The following PHYHIPL variants were observed in gnomAD, a reference collection of about 807,000 sequenced individuals.
PHYHIPL encodes the protein phytanoyl-CoA 2-hydroxylase interacting protein like.
Under a neutral mutation model 33.4 loss-of-function variants are expected in PHYHIPL, and 9 were observed. The ratio of observed to expected loss-of-function variants is 0.27; its 90% confidence interval spans 0.16 to 0.47. The LOEUF (loss-of-function observed/expected upper bound fraction) is 0.47, where lower values mean the gene tolerates loss of function less well. Among genes scored for constraint, PHYHIPL ranks in the 20% least tolerant of loss-of-function variants. PHYHIPL has a pLI of 0.99. For synonymous variants in PHYHIPL, 153 were observed against 154.1 expected (o/e 0.99, Z 0.05); for missense variants, 365 against 460.7 (o/e 0.79, Z 1.90).
chr10:59,230,117 G>A (rs567056610), intron 1 of PHYHIPL, among the ~76,000 whole-genome samples: 45 of 151,766 alleles, frequency 3.0e-4, no homozygotes, highest in African/African-American at 9.9e-4. Flanking sequence ...AAATGTTTTA[G>A]TGAGTCTAAA....
chr10:59,244,011 A>G (rs1014808285), intron 4 of PHYHIPL, among the ~76,000 whole-genome samples: 3 of 152,140 alleles, frequency 2.0e-5, no homozygotes, highest in Non-Finnish European at 2.9e-5. Context: ...CAGAACCACA[A>G]TGCCCTAAAG....
In PHYHIPL at chr10:59,176,973, G is replaced by C. The variant is rs776314609; in HGVS notation, c.106+14G>C. On this transcript the variant is annotated intron_variant, in intron 1 of 4. Coordinates refer to ENST00000373880, the MANE Select transcript of PHYHIPL (RefSeq NM_032439.4). ...GCGACCGGGACGGTAAGAGCGGCCG[G>C]GACCGCGAGGAAAGGGACAGAGTTC... 7 of 1,608,732 alleles carry C rather than the reference G, an allele frequency of 4.4e-6. No individual in the cohort carries two copies. In the Admixed American group the frequency reaches 1.2e-4, roughly 27 times the overall value.
chr10:59,233,867 C>T (rs1672804982), intron 1 of PHYHIPL, among the ~76,000 whole-genome samples: 1 of 151,772 alleles, frequency 6.6e-6, no homozygotes, highest in African/African-American at 2.4e-5. Flanking sequence ...CATGCTGTTT[C>T]TCTATATAAT....
Position 59,234,512 on chromosome 10 carries a change from C to A in PHYHIPL, c.303+12C>A. 1.3e-6 allele frequency: 2 copies of A among 1,506,244 alleles called. No homozygotes were observed. The highest frequency in any genetic ancestry group is 2.6e-5 in the South Asian group (2 of 76,456). The allele number at this position is 1,506,244 out of a possible 1,614,324, so 93.3% of individuals were successfully genotyped here. A position where few individuals can be genotyped will look rare whatever the true frequency, so the allele number is the denominator to read the frequency against. ...AATTTAAACACAAGGTAAAATCTAA[C>A]AAATACTCATGCTAATTTGCATCTT... is the stretch of plus-strand genomic sequence containing the variant. On this transcript the variant is annotated intron_variant, in intron 2 of 4. Coordinates refer to ENST00000373880, the MANE Select transcript of PHYHIPL (RefSeq NM_032439.4).
intron 1 of PHYHIPL, among the ~76,000 whole-genome samples, chr10:59,208,064 G>A (rs936771509): frequency 2.0e-5 from 3 of 152,106 alleles, no homozygotes; most frequent in South Asian, 2.1e-4. Context: ...CACAGCACTC[G>A]AGCTCTGCTA....
chr10:59,207,991 G>A lies in PHYHIPL; in HGVS notation c.107-26313G>A, dbSNP rs1316199593. The stretch of plus-strand genomic sequence containing the variant: ...CCTGGGGGAAGGGACGGCTGTCGGC[G>A]CAGCTTTGATAGACTTAAATGTTCC... On this transcript the variant is annotated intron_variant, in intron 1 of 4. Coordinates refer to ENST00000373880, the MANE Select transcript of PHYHIPL (RefSeq NM_032439.4). Among the ~76,000 whole-genome samples the A allele has an allele frequency of 2.0e-5, 3 of 152,126 alleles. No homozygotes were observed. In the South Asian group the frequency reaches 6.2e-4, roughly 32 times the overall value.
intron 1 of PHYHIPL, among the ~76,000 whole-genome samples, chr10:59,202,011 T>C (rs1839134087): frequency 6.6e-6 from 1 of 152,048 alleles, no homozygotes; most frequent in Admixed American, 6.6e-5. Flanking sequence ...AGAAAATATA[T>C]GAGCTATTGG....
At chr10:59,201,008 G>C (rs560598630) in intron 1 of PHYHIPL, among the ~76,000 whole-genome samples, 115 of 152,214 alleles carry the variant, frequency 7.6e-4, no homozygotes, top group African/African-American at 1.4e-3. Context: ...CAAAAAACCA[G>C]CTCCTGGATT....
chr10:59,245,489 C>T lies in PHYHIPL; in HGVS notation c.1029C>T (p.Gly343=), dbSNP rs1480949827. 1.9e-6 allele frequency: 3 copies of T among 1,614,132 alleles called. No homozygotes were observed. Among genetic ancestry groups the T allele is most frequent in the Middle Eastern group, 1.6e-4 (1 of 6,062 alleles). The change falls in exon 5 of 5, where the codon GGC becomes GGT. Residue 343 remains glycine (G), a synonymous_variant. Transcript: ENST00000373880. Reference sequence around the variant, plus strand: ...CTGACCCTGTGGATCTTTCTGTGGGCACCGTGGCAGAAATCACTGGTCATC... The same window carrying T: ...CTGACCCTGTGGATCTTTCTGTGGGTACCGTGGCAGAAATCACTGGTCATC... ...IYTDPVDLSV[G]TVAEITGHQL...
At chr10:59,194,400 CAT>C (rs565309778) in intron 1 of PHYHIPL, among the ~76,000 whole-genome samples, 140 of 152,194 alleles carry the variant, frequency 9.2e-4, no homozygotes, top group African/African-American at 3.3e-3. Flanking sequence ...AATTTTCTGA[CAT>C]AGAAACACCA....
chr10:59,180,257 T>TAC (rs140480148), intron 1 of PHYHIPL, among the ~76,000 whole-genome samples: 8,986 of 118,828 alleles, frequency 0.076, 920 homozygotes, highest in African/African-American at 0.22. Flanking sequence ...ATCATATATA[T>TAC]ACACACACAC....
chr10:59,205,932 A>G (rs1269955305), intron 1 of PHYHIPL, among the ~76,000 whole-genome samples: 1 of 152,226 alleles, frequency 6.6e-6, no homozygotes, highest in Non-Finnish European at 1.5e-5. Context: ...ATAATTCTGC[A>G]TCTGAGAACA....
chr10:59,183,752 G>A, intron 1 of PHYHIPL: 20 of 822,410 alleles, frequency 2.4e-5, no homozygotes, highest in Non-Finnish European at 2.8e-5. Context: ...GAGCCATGTA[G>A]TGGCTCATTT....
chr10:59,204,731 G>A (rs1839237199), intron 1 of PHYHIPL, among the ~76,000 whole-genome samples: 2 of 151,828 alleles, frequency 1.3e-5, no homozygotes, highest in Admixed American at 1.3e-4. Context: ...TCTCCACTAT[G>A]CTTTTAGTCA....
At chr10:59,184,236 C>T (rs561737996) in intron 1 of PHYHIPL, among the ~76,000 whole-genome samples, 2 of 152,290 alleles carry the variant, frequency 1.3e-5, no homozygotes, top group South Asian at 4.1e-4. Flanking sequence ...CAGCCATACT[C>T]ATTTGTTTAC....
intron 1 of PHYHIPL, among the ~76,000 whole-genome samples, chr10:59,207,613 C>T (rs1009991308): frequency 3.3e-5 from 5 of 152,158 alleles, no homozygotes; most frequent in African/African-American, 1.2e-4. Context: ...CAGCAGCGGC[C>T]AGGCACGGTG....
Position 59,247,558 on chromosome 10 carries a change from G to T in PHYHIPL, c.*1967G>T. ...AAACTACTTAGCAAGGATGGCAGAG[G>T]AAAATAAACTTTACTTTATATCATG... On this transcript the variant is annotated 3_prime_UTR_variant, in exon 5 of 5. Coordinates refer to ENST00000373880, the MANE Select transcript of PHYHIPL (RefSeq NM_032439.4). 6.2e-7 allele frequency: 1 copy of T among 1,606,564 alleles called. No individual in the cohort carries two copies. The highest frequency in any genetic ancestry group is 8.5e-7 in the Non-Finnish European group (1 of 1,176,072).
chr10:59,236,697 T>C (rs1170239659), intron 3 of PHYHIPL, 40 bp downstream of exon 3: 2 of 1,458,218 alleles, frequency 1.4e-6, no homozygotes, highest in South Asian at 1.4e-5. Flanking sequence ...GCTTTAGTTG[T>C]TCTGGGAAAG....
intron 4 of PHYHIPL, among the ~76,000 whole-genome samples, chr10:59,241,760 C>T (rs991751322): frequency 6.6e-6 from 1 of 152,102 alleles, no homozygotes; most frequent in Admixed American, 6.6e-5. Context: ...ATTCTCTTTT[C>T]CTTATTTCGC....
Sources: allele counts gnomAD v4.1 joint callset (sites outside exome capture counted in the v4.1 genomes callset), GRCh38; gene constraint gnomAD v4.1.1; transcripts MANE v1.5; gene names NCBI Gene and HGNC (gene_info 2026-07-23, HGNC 2026-07-21).